The following PTPRN2 variants were observed in gnomAD, a reference collection of about 807,000 sequenced individuals.
PTPRN2 encodes the protein protein tyrosine phosphatase receptor type N2.
PTPRN2 carries 74 observed loss-of-function variants against 118.8 expected under a neutral mutation model. The observed-to-expected ratio is 0.62, with a 90% CI of 0.52 to 0.76. The LOEUF (loss-of-function observed/expected upper bound fraction) is 0.76, where lower values mean the gene tolerates loss of function less well. PTPRN2 is among the 30% of genes least tolerant of loss of function. PTPRN2 has a pLI of 0.00. For missense variants in PTPRN2, 1,481 were observed against 1,394.4 expected, an observed-to-expected ratio of 1.06 and a Z score of -0.99; for synonymous variants, 641 against 608.0, an observed-to-expected ratio of 1.05 and a Z score of -0.80.
Position 157,845,947 on chromosome 7 carries a change from C to T in PTPRN2, c.1788+52726G>A, listed in dbSNP as rs1808775744. Among the ~76,000 whole-genome samples, 1 of 152,202 alleles carries T rather than the reference C, an allele frequency of 6.6e-6. No homozygotes were observed. The highest frequency in any genetic ancestry group is 2.4e-5 in the African/African-American group (1 of 41,452). On this transcript the variant is annotated intron_variant, in intron 12 of 22. Coordinates refer to ENST00000389418, the MANE Select transcript of PTPRN2 (RefSeq NM_002847.5). The surrounding 1 kb of genome is among the most constrained non-coding windows in gnomAD (Gnocchi z 4.5). ...AAGAAAACATTTGAGCCTCTCTGAA[C>T]TCAGGGCAGAAAACAGTTTCCTCAA...
chr7:158,018,929 C>A (rs1467409498), intron 11 of PTPRN2, among the ~76,000 whole-genome samples: 5 of 135,834 alleles, frequency 3.7e-5, no homozygotes, highest in African/African-American at 5.6e-5. Context: ...GACTGCACTC[C>A]AGCCTGGCAG....
rs921888944 is a variant in PTPRN2, at chr7:158,141,387, G to T, written c.911-2872C>A. Among the ~76,000 whole-genome samples the T allele has an allele frequency of 2.0e-5, 3 of 152,320 alleles. No individual in the cohort carries two copies. In the South Asian group the frequency reaches 6.2e-4, roughly 32 times the overall value. On this transcript the variant is annotated intron_variant, in intron 6 of 22. Transcript: ENST00000389418. Reference sequence around the variant, plus strand: ...GTCCTCTCTCCACAGCGCAGGCTGTGTCTAGTCCATGCCGAGGCAGCGGGG... The same window carrying T: ...GTCCTCTCTCCACAGCGCAGGCTGTTTCTAGTCCATGCCGAGGCAGCGGGG...
At chr7:158,332,907 C>A (rs1157652161) in intron 2 of PTPRN2, among the ~76,000 whole-genome samples, 57 of 150,824 alleles carry the variant, frequency 3.8e-4, no homozygotes, top group Non-Finnish European at 6.9e-4. Context: ...GTCACTCACA[C>A]CCACACTCTC....
chr7:157,963,715 G>A (rs1029218630), intron 11 of PTPRN2, among the ~76,000 whole-genome samples: 2 of 152,214 alleles, frequency 1.3e-5, no homozygotes, highest in African/African-American at 2.4e-5. Flanking sequence ...AGACGATGCC[G>A]CTTCTCAGTG....
At chr7:158,340,932 C>T (rs1473889252) in intron 2 of PTPRN2, among the ~76,000 whole-genome samples, 2 of 86,286 alleles carry the variant, frequency 2.3e-5, no homozygotes, top group Non-Finnish European at 5.1e-5. Flanking sequence ...ACGTCAATCA[C>T]ACTCACACTC....
In PTPRN2 at chr7:158,003,708, C is replaced by T. The variant is rs1435978504; in HGVS notation, c.1723+77590G>A. On this transcript the variant is annotated intron_variant, in intron 11 of 22. Transcript: ENST00000389418. The surrounding 1 kb of genome is among the most constrained non-coding windows in gnomAD (Gnocchi z 5.0). ...GACAGGGGTGGGGAAGCACGCCATC[C>T]GGGCTCCAGCCCTGCGGTTGGCGGG... 6.6e-6 allele frequency among the ~76,000 whole-genome samples: 1 copy of T among 151,702 alleles called. No individual in the cohort carries two copies. Among genetic ancestry groups the T allele is most frequent in the Non-Finnish European group, 1.5e-5 (1 of 67,964 alleles).
chr7:158,045,044 T>C (rs1009160551), intron 11 of PTPRN2, among the ~76,000 whole-genome samples: 1 of 152,216 alleles, frequency 6.6e-6, no homozygotes, highest in African/African-American at 2.4e-5. Flanking sequence ...TAAAATATGG[T>C]GCTATCCACT....
intron 2 of PTPRN2, among the ~76,000 whole-genome samples, chr7:158,394,745 C>T (rs1300492844): frequency 6.6e-6 from 1 of 152,246 alleles, no homozygotes; most frequent in East Asian, 1.9e-4. Flanking sequence ...GGACTGTAGG[C>T]AACTCACAAA....
chr7:158,163,186 C>G (rs893762132), intron 6 of PTPRN2, among the ~76,000 whole-genome samples: 4 of 152,194 alleles, frequency 2.6e-5, no homozygotes, highest in Admixed American at 2.0e-4. Context: ...GATGCCTGTA[C>G]GGGGTTCTCA....
At chr7:158,268,780 CG>C (rs1563063827) in intron 3 of PTPRN2, among the ~76,000 whole-genome samples, 4,776 of 121,610 alleles carry the variant, frequency 0.039, 816 homozygotes, top group African/African-American at 0.057. Context: ...ATATCCCAGC[CG>C]CACACACACA....
At chr7:157,934,565 C>A (rs1799587650) in intron 11 of PTPRN2, among the ~76,000 whole-genome samples, 1 of 152,230 alleles carries the variant, frequency 6.6e-6, no homozygotes, top group Non-Finnish European at 1.5e-5. Context: ...CACTCCACTT[C>A]AATTTTTACT....
At position 158,233,145 on chromosome 7, in the gene PTPRN2, G is replaced by A. The variant is rs184247442; in HGVS notation, c.278-27872C>T. On this transcript the variant is annotated intron_variant, in intron 3 of 22. Coordinates refer to ENST00000389418, the MANE Select transcript of PTPRN2 (RefSeq NM_002847.5). ...GGAAAAAGTCAAATTAGCCTTATTT[G>A]CAGACATCATGATCTTATCATATTT... Among the ~76,000 whole-genome samples the A allele has an allele frequency of 2.2e-4, 33 of 152,276 alleles. No homozygotes were observed. The East Asian group carries it at 5.6e-3, about 26-fold the overall frequency.
intron 1 of PTPRN2, among the ~76,000 whole-genome samples, chr7:158,581,793 T>A (rs1828638369): frequency 6.6e-6 from 1 of 152,214 alleles, no homozygotes; most frequent in Non-Finnish European, 1.5e-5. Context: ...ACACTCATCA[T>A]CTCTCGTTTC....
At chr7:157,748,000 G>C (rs1347501511) in intron 12 of PTPRN2, among the ~76,000 whole-genome samples, 184 of 121,380 alleles carry the variant, frequency 1.5e-3, no homozygotes, top group Admixed American at 3.2e-3. Context: ...TCTGAGCTGT[G>C]GGGTGTCCGG....
chr7:158,106,497 A>T (rs1002168728), intron 10 of PTPRN2, among the ~76,000 whole-genome samples: 6 of 152,186 alleles, frequency 3.9e-5, no homozygotes, highest in Non-Finnish European at 8.8e-5. Flanking sequence ...TCCGTGTATC[A>T]TCTGGAAGAA....
In PTPRN2 at chr7:158,165,632, G is replaced by A. The variant is rs566894909; in HGVS notation, c.910+1299C>T. Among the ~76,000 whole-genome samples the A allele has an allele frequency of 2.0e-5, 3 of 152,386 alleles. No homozygotes were observed. The South Asian group carries it at 6.2e-4, about 32-fold the overall frequency. ...CGGCTCCCATTCAGCCTTCACTTAA[G>A]GAGCAGAGAGTGCTCACATAACGCG... is the stretch of plus-strand genomic sequence containing the variant. On this transcript the variant is annotated intron_variant, in intron 6 of 22. Transcript: ENST00000389418.
chr7:158,571,417 G>T (rs1828022001), intron 1 of PTPRN2, among the ~76,000 whole-genome samples: 1 of 150,546 alleles, frequency 6.6e-6, no homozygotes, highest in Non-Finnish European at 1.5e-5. Context: ...GGCAGAGGTT[G>T]CAGTGAGCTG....
intron 2 of PTPRN2, among the ~76,000 whole-genome samples, chr7:158,380,247 A>T (rs750547305): frequency 4.2e-4 from 64 of 152,206 alleles, no homozygotes; most frequent in Admixed American, 1.0e-3. Flanking sequence ...CCCACAGTCC[A>T]ATGTCTCATC....
Position 157,700,650 on chromosome 7 carries a change from A to G in PTPRN2, c.1789-17713T>C, listed in dbSNP as rs1382255731. On this transcript the variant is annotated intron_variant, in intron 12 of 22. Transcript: ENST00000389418. The stretch of plus-strand genomic sequence containing the variant: ...AGCCTCGGCCATCTCTACCTTGTCC[A>G]CTGGAACAGCTTCCTGTCCCTCCCT... Among the ~76,000 whole-genome samples, 6 of 152,060 alleles carry G rather than the reference A, an allele frequency of 3.9e-5. No homozygotes were observed. The East Asian group carries it at 1.2e-3, about 29-fold the overall frequency.
Sources: allele counts gnomAD v4.1 joint callset (sites outside exome capture counted in the v4.1 genomes callset), GRCh38; gene constraint gnomAD v4.1.1; non-coding constraint Gnocchi (gnomAD v3.1); transcripts MANE v1.5; gene names NCBI Gene and HGNC (gene_info 2026-07-23, HGNC 2026-07-21).